The following ZKSCAN1 variants were observed in gnomAD, a reference collection of about 807,000 sequenced individuals.
ZKSCAN1 encodes zinc finger with KRAB and SCAN domains 1, also known as zinc finger protein with KRAB and SCAN domains 1.
A neutral mutation model predicts 51.6 loss-of-function variants in ZKSCAN1; 14 were observed. The ratio of observed to expected loss-of-function variants is 0.27; its 90% CI spans 0.18 to 0.42. The LOEUF (loss-of-function observed/expected upper bound fraction) is 0.42, where lower values mean the gene tolerates loss of function less well. ZKSCAN1 is among the 10% of genes least tolerant of loss of function. The pLI is 1.00. For missense variants in ZKSCAN1, 531 were observed against 710.0 expected, an observed-to-expected ratio of 0.75 and a Z score of 2.86; for synonymous variants, 263 against 261.5, an observed-to-expected ratio of 1.01 and a Z score of -0.06.
chr7:100,039,808 C>A lies in ZKSCAN1; in HGVS notation c.*5611C>A. 1 of 985,338 alleles carries A rather than the reference C, an allele frequency of 1.0e-6. No homozygotes were observed. Among genetic ancestry groups the A allele is most frequent in the Non-Finnish European group, 1.2e-6 (1 of 829,930 alleles). The allele number at this position is 985,338 out of a possible 1,614,324, so 61.0% of individuals were successfully genotyped here. A position where few individuals can be genotyped will look rare whatever the true frequency, so the allele number is the denominator to read the frequency against. ...TACGAGGGGGCTAGGGTTTTCCCAT[C>A]TGGGAAATGGGGTGAAAGTCTGCAG... On this transcript the variant is annotated 3_prime_UTR_variant, in exon 6 of 6. Coordinates refer to ENST00000324306, the MANE Select transcript of ZKSCAN1 (RefSeq NM_003439.4).
intron 5 of ZKSCAN1, among the ~76,000 whole-genome samples, chr7:100,031,777 G>A (rs75148109): frequency 2.1e-4 from 32 of 152,228 alleles, no homozygotes; most frequent in Middle Eastern, 6.8e-3. Context: ...AGCCTGCCAG[G>A]TTCAAAACAA....
At chr7:100,045,103 T>C (rs1791686663), downstream of ZKSCAN1, among the ~76,000 whole-genome samples, 1 of 152,154 alleles carries the variant, frequency 6.6e-6, no homozygotes, top group Admixed American at 6.6e-5. Flanking sequence ...ACTGGAATTA[T>C]TTTTCTTTTG....
chr7:100,020,022 G>A (rs1177231521), intron 1 of ZKSCAN1, among the ~76,000 whole-genome samples: 1 of 152,188 alleles, frequency 6.6e-6, no homozygotes, highest in East Asian at 1.9e-4. Flanking sequence ...TTTATACAGT[G>A]AGATGATAAG....
rs1005786068 is a variant in ZKSCAN1, at chr7:100,023,402, T to G, written c.-88-17T>G. ...TTTGTAAAGGTACGTACTAATGACTTTTTTTTTATACTTCAGGAATAGTAA... is the reference window on the plus strand; with the variant it reads ...TTTGTAAAGGTACGTACTAATGACTGTTTTTTTATACTTCAGGAATAGTAA... On this transcript the variant is annotated splice_polypyrimidine_tract_variant and intron_variant, in intron 1 of 5. Coordinates refer to ENST00000324306, the MANE Select transcript of ZKSCAN1 (RefSeq NM_003439.4). The G allele has an allele frequency of 7.3e-7, 1 of 1,361,072 alleles. No homozygotes were observed. Among genetic ancestry groups the G allele is most frequent in the South Asian group, 1.4e-5 (1 of 70,608 alleles). 84.3% of individuals were successfully genotyped at this position (1,361,072 alleles called of 1,614,324 possible). A position where few individuals can be genotyped will look rare whatever the true frequency, so the allele number is the denominator to read the frequency against.
In ZKSCAN1 at chr7:100,034,317, T is replaced by C. The variant is rs1429593672; in HGVS notation, c.*120T>C. 4.1e-6 allele frequency: 6 copies of C among 1,477,372 alleles called. No homozygotes were observed. In the South Asian group the frequency reaches 5.8e-5, roughly 14 times the overall value. 91.5% of individuals were successfully genotyped at this position (1,477,372 alleles called of 1,614,324 possible). A position where few individuals can be genotyped will look rare whatever the true frequency, so the allele number is the denominator to read the frequency against. On this transcript the variant is annotated 3_prime_UTR_variant, in exon 6 of 6. Transcript: ENST00000324306. ...CAGATTAAAAAACAAAAGTCACACT[T>C]AAGGATCCTTCTAGTCACATCAGCA...
rs1481505495 is a variant in ZKSCAN1 at position 100,033,159 on chromosome 7, G to A, written c.800-146G>A. The A allele has an allele frequency of 1.5e-5, 20 of 1,353,520 alleles. No individual in the cohort carries two copies. The highest frequency in any genetic ancestry group is 1.8e-5 in the Non-Finnish European group (19 of 1,029,492). The allele number at this position is 1,353,520 out of a possible 1,614,324, so 83.8% of individuals were successfully genotyped here. On this transcript the variant is annotated intron_variant, in intron 5 of 5. Coordinates refer to ENST00000324306, the MANE Select transcript of ZKSCAN1 (RefSeq NM_003439.4). The surrounding 1 kb of genome is among the most constrained non-coding windows in gnomAD (Gnocchi z 4.1). ...TGCACTCCAGCCTGGGCGACAGAGC[G>A]AGACTCTGTCTCAAAGGAAATAAAA...
At chr7:100,031,667 C>G (rs1791111569) in intron 5 of ZKSCAN1, among the ~76,000 whole-genome samples, 1 of 152,146 alleles carries the variant, frequency 6.6e-6, no homozygotes, top group African/African-American at 2.4e-5. Context: ...AATGTCGTAA[C>G]CACTTTTTTC....
rs1354785680 is a variant in ZKSCAN1 at position 100,040,713 on chromosome 7, C to A, written c.*6516C>A. On this transcript the variant is annotated 3_prime_UTR_variant, in exon 6 of 6. Transcript: ENST00000324306. ...GGCTGAGAAAGAGTAATTAGGAGGC[C>A]TGAGGAGGGGCCGAGGAAAGGCTGT... 1 of 985,328 alleles carries A rather than the reference C, an allele frequency of 1.0e-6. No homozygotes were observed. The highest frequency in any genetic ancestry group is 1.2e-6 in the Non-Finnish European group (1 of 829,966). The allele number at this position is 985,328 out of a possible 1,614,324, so 61.0% of individuals were successfully genotyped here. A position where few individuals can be genotyped will look rare whatever the true frequency, so the allele number is the denominator to read the frequency against.
downstream of ZKSCAN1, among the ~76,000 whole-genome samples, chr7:100,042,408 ACTT>A (rs1379777698): frequency 6.6e-6 from 1 of 151,346 alleles, no homozygotes; most frequent in Non-Finnish European, 1.5e-5. Context: ...TTTTACTCAC[ACTT>A]CTGACACAAT....
At position 100,038,130 on chromosome 7, in the gene ZKSCAN1, C is replaced by G. The variant is rs1791442633; in HGVS notation, c.*3933C>G. ...AAATAGCAAAATGTGCAACTTCTTA[C>G]AAAAATTGTTAACGTTAGGTACTTC... On this transcript the variant is annotated 3_prime_UTR_variant, in exon 6 of 6. Transcript: ENST00000324306. 1.0e-6 allele frequency: 1 copy of G among 985,206 alleles called. No individual in the cohort carries two copies. Among genetic ancestry groups the G allele is most frequent in the Non-Finnish European group, 1.2e-6 (1 of 829,914 alleles). 61.0% of individuals were successfully genotyped at this position (985,206 alleles called of 1,614,324 possible). A position where few individuals can be genotyped will look rare whatever the true frequency, so the allele number is the denominator to read the frequency against.
intron 3 of ZKSCAN1, among the ~76,000 whole-genome samples, chr7:100,028,231 T>G (rs1340528279): frequency 6.6e-6 from 1 of 152,028 alleles, no homozygotes; most frequent in Non-Finnish European, 1.5e-5. Context: ...CAGGCACCTG[T>G]AGTCCCAGCT....
intron 3 of ZKSCAN1, 80 bp from the exon 4 acceptor site, chr7:100,029,781 A>G: frequency 1.5e-6 from 2 of 1,330,992 alleles, no homozygotes; most frequent in Non-Finnish European, 2.1e-6. Context: ...CTGGTGCAGG[A>G]AGGAACATGC....
rs571760562 is a variant in ZKSCAN1 at position 100,034,570 on chromosome 7, A to G, written c.*373A>G. The G allele has an allele frequency of 4.0e-5, 40 of 1,004,392 alleles. 1 individual carries two copies. In the African/African-American group the frequency reaches 6.7e-4, roughly 17 times the overall value. 62.2% of individuals were successfully genotyped at this position (1,004,392 alleles called of 1,614,324 possible). A position where few individuals can be genotyped will look rare whatever the true frequency, so the allele number is the denominator to read the frequency against. On this transcript the variant is annotated 3_prime_UTR_variant, in exon 6 of 6. Transcript: ENST00000324306. The stretch of plus-strand genomic sequence containing the variant: ...TCAAGATTGGCTCCACGAAAGTGAT[A>G]CGGAGGTTAGGATGCTACTTGCTGC...
chr7:100,044,902 C>T, downstream of ZKSCAN1: 2 of 985,236 alleles, frequency 2.0e-6, no homozygotes, highest in South Asian at 4.7e-5. Context: ...AGGGAAGTCA[C>T]GGTTTGGTTA....
At position 100,024,191 on chromosome 7, in the gene ZKSCAN1, G is replaced by A. The variant is rs143265277; in HGVS notation, c.464G>A (p.Arg155Lys). ...GQVHGPEMLA[R>K]GMVPLDPVQE... ...GTTCATGGACCTGAGATGCTCGCAA[G>A]GGGGATGGTGCCTCTGGATCCAGTT... Residue 155 changes from arginine (R) to lysine (K), a missense_variant, in exon 3 of 6, where the codon AGG (arginine) becomes AAG (lysine). By Grantham distance (26) the Arg-to-Lys change is conservative. Around this residue, in one of 2 missense-constraint regions of ZKSCAN1, gnomAD observed 403 missense variants for 490.5 expected, o/e 0.82. Coordinates refer to ENST00000324306, the MANE Select transcript of ZKSCAN1 (RefSeq NM_003439.4). 1 of 1,613,968 alleles carries A rather than the reference G, an allele frequency of 6.2e-7. No homozygotes were observed. Among genetic ancestry groups the A allele is most frequent in the African/African-American group, 1.3e-5 (1 of 74,910 alleles).
rs1172561158 is a variant in ZKSCAN1, at chr7:100,034,587, A to G, written c.*390A>G. 2 of 997,676 alleles carry G rather than the reference A, an allele frequency of 2.0e-6. No individual in the cohort carries two copies. Among genetic ancestry groups the G allele is most frequent in the African/African-American group, 3.5e-5 (2 of 57,636 alleles). The allele number at this position is 997,676 out of a possible 1,614,324, so 61.8% of individuals were successfully genotyped here. ...AAAGTGATACGGAGGTTAGGATGCT[A>G]CTTGCTGCAAACAAGCCCTACTTTG... is the stretch of plus-strand genomic sequence containing the variant. On this transcript the variant is annotated 3_prime_UTR_variant, in exon 6 of 6. Coordinates refer to ENST00000324306, the MANE Select transcript of ZKSCAN1 (RefSeq NM_003439.4).
Position 100,033,398 on chromosome 7 carries a change from A to G in ZKSCAN1, c.893A>G (p.Gln298Arg). The change falls in exon 6 of 6, where the codon CAG becomes CGG. Residue 298 changes from glutamine (Q) to arginine (R), a missense_variant. Gln to Arg is a conservative substitution (Grantham distance 43). Transcript: ENST00000324306. This position sits in a 1 kb window ranked among gnomAD's most constrained non-coding sequence, Gnocchi z 4.1. ...ASRGETTGRS[Q>R]KEFGEKRDQE... Reference sequence around the variant, plus strand: ...CGCGGGGAGACAACAGGAAGATCCCAGAAAGAGTTTGGAGAGAAACGTGAC... The same window carrying G: ...CGCGGGGAGACAACAGGAAGATCCCGGAAAGAGTTTGGAGAGAAACGTGAC... 1.9e-6 allele frequency: 3 copies of G among 1,614,172 alleles called. No individual in the cohort carries two copies. Among genetic ancestry groups the G allele is most frequent in the Non-Finnish European group, 2.5e-6 (3 of 1,180,032 alleles).
chr7:100,031,273 ATTTT>A (rs60390216), intron 5 of ZKSCAN1, among the ~76,000 whole-genome samples: 9 of 89,494 alleles, frequency 1.0e-4, no homozygotes, highest in South Asian at 3.9e-4. Flanking sequence ...GTACTAGATG[ATTTT>A]TTTTTTTTTT....
chr7:100,028,723 G>A, intron 3 of ZKSCAN1, among the ~76,000 whole-genome samples: 1 of 139,104 alleles, frequency 7.2e-6, no homozygotes. Context: ...ACGTGATAAT[G>A]TTATGCATGT....
Sources: allele counts gnomAD v4.1 joint callset (sites outside exome capture counted in the v4.1 genomes callset), GRCh38; gene constraint gnomAD v4.1.1; regional missense constraint gnomAD v4.1.1; non-coding constraint Gnocchi (gnomAD v3.1); transcripts MANE v1.5; gene names NCBI Gene and HGNC (gene_info 2026-07-23, HGNC 2026-07-21).